Variants in IRF6 observed in about 807,000 individuals in gnomAD.
The protein encoded by IRF6 is interferon regulatory factor 6.
In IRF6, 6 loss-of-function variants were observed where a neutral mutation model predicts 51.4. That is an observed-to-expected ratio of 0.12 (90% CI 0.06 to 0.23). The LOEUF (loss-of-function observed/expected upper bound fraction) is 0.23. Ranked by LOEUF, IRF6 falls within the 10% of genes least tolerant of loss-of-function variation. IRF6 has a pLI of 1.00. For missense variants in IRF6, 348 were observed against 585.2 expected, an observed-to-expected ratio of 0.59 and a Z score of 4.18; for synonymous variants, 178 against 215.7, an observed-to-expected ratio of 0.83 and a Z score of 1.53.
At position 209,788,399 on chromosome 1, in the gene IRF6, GGAA is replaced by G. The variant is rs2077847023; in HGVS notation, c.*18_*20del. On this transcript the variant is annotated 3_prime_UTR_variant, in exon 9 of 9. Coordinates refer to ENST00000367021, the MANE Select transcript of IRF6 (RefSeq NM_006147.4). ...ATGTACAATATTATAAAAAAGAGAAGGAAGAAGATGGCATTCACAATTACTGGG... is the reference window on the plus strand; with the variant it reads ...ATGTACAATATTATAAAAAAGAGAAGGAAGATGGCATTCACAATTACTGGG... 2.1e-6 allele frequency: 3 copies of G among 1,455,366 alleles called. No individual in the cohort carries two copies. Among genetic ancestry groups the G allele is most frequent in the Non-Finnish European group, 2.9e-6 (3 of 1,037,276 alleles). The allele number at this position is 1,455,366 out of a possible 1,614,324, so 90.2% of individuals were successfully genotyped here.
rs1374009568 is a variant in IRF6 at position 209,788,426 on chromosome 1, G to A, written c.1398C>T (p.Pro466=). 1.1e-5 allele frequency: 18 copies of A among 1,600,426 alleles called. No individual in the cohort carries two copies. The highest frequency in any genetic ancestry group is 2.2e-5 in the East Asian group (1 of 44,842). The part of the protein sequence containing the change: ...PSMQLPPALP[P]Q ...AAGAAGATGGCATTCACAATTACTG[G>A]GGAGGCAGGGCAGGGGGCAGTTGCA... Residue 466 remains proline (P), a synonymous_variant, in exon 9 of 9, where the codon CCC becomes CCT. Transcript: ENST00000367021.
chr1:209,801,327 T>C lies in IRF6; in HGVS notation c.87A>G (p.Leu29=). Residue 29 remains leucine (L), a synonymous_variant, in exon 3 of 9, where the codon CTA becomes CTG. Coordinates refer to ENST00000367021, the MANE Select transcript of IRF6 (RefSeq NM_006147.4). ...DSGLYPGLIW[L]HRDSKRFQIP... ...TCTGGAAGCGTTTAGAGTCCCTGTG[T>C]AGCCAGATGAGCCCAGGGTAGAGGC... The C allele has an allele frequency of 6.2e-7, 1 of 1,613,960 alleles. No homozygotes were observed. The highest frequency in any genetic ancestry group is 8.5e-7 in the Non-Finnish European group (1 of 1,179,962).
At chr1:209,795,752 T>C (rs1443861956) in intron 4 of IRF6, among the ~76,000 whole-genome samples, 3 of 152,224 alleles carry the variant, frequency 2.0e-5, no homozygotes, top group Admixed American at 1.3e-4. Context: ...AAGAACTTAT[T>C]ACCCTGATCT....
rs2077835175 is a variant in IRF6, at chr1:209,786,570, C to A, written c.*1850G>T. ...AATATCAAGCCCAAATCCCTCACTT[C>A]ACCTACTCAACAAAATGACCCCCAA... is the stretch of plus-strand genomic sequence containing the variant. On this transcript the variant is annotated 3_prime_UTR_variant, in exon 9 of 9. Coordinates refer to ENST00000367021, the MANE Select transcript of IRF6 (RefSeq NM_006147.4). 1.3e-5 allele frequency: 2 copies of A among 152,188 alleles called. No individual in the cohort carries two copies. The highest frequency in any genetic ancestry group is 2.4e-5 in the African/African-American group (1 of 41,434). 9.4% of individuals were successfully genotyped at this position (152,188 alleles called of 1,614,324 possible).
At chr1:209,803,301 T>C (rs2073487) in intron 1 of IRF6, among the ~76,000 whole-genome samples, 55,256 of 152,048 alleles carry the variant, frequency 0.36, 10,454 homozygotes, top group East Asian at 0.57. Flanking sequence ...AAAGAGCTTT[T>C]GAGAATTTCC....
At chr1:209,804,528 C>T (rs575168381) in intron 1 of IRF6, among the ~76,000 whole-genome samples, 5 of 152,226 alleles carry the variant, frequency 3.3e-5, no homozygotes, top group Non-Finnish European at 7.3e-5. Context: ...ACCCAAATCC[C>T]AACGCCTGAA....
intron 1 of IRF6, among the ~76,000 whole-genome samples, chr1:209,804,157 T>C (rs1354229224): frequency 2.0e-5 from 3 of 152,144 alleles, no homozygotes; most frequent in Admixed American, 2.0e-4. Context: ...AATAAGACAT[T>C]TCTTATGAAG....
chr1:209,805,001 A>G (rs966108753), intron 1 of IRF6, among the ~76,000 whole-genome samples: 2 of 152,088 alleles, frequency 1.3e-5, no homozygotes, highest in African/African-American at 4.8e-5. Flanking sequence ...GCAGGCCTCT[A>G]GTCAAAATGC....
chr1:209,801,209 G>T, intron 3 of IRF6, 31 bp downstream of exon 3: 38 of 1,273,390 alleles, frequency 3.0e-5, no homozygotes, highest in African/African-American at 4.9e-5. Context: ...AAAAAATCCA[G>T]AAAGGTCTGA....
Position 209,795,437 on chromosome 1 carries a change from C to T in IRF6, c.380-19G>A. ...GTGGATCCTACCCAAGATACACAAG[C>T]TCGCAGGTGAGCCATTCAGGTTGCA... On this transcript the variant is annotated intron_variant, in intron 4 of 8. Coordinates refer to ENST00000367021, the MANE Select transcript of IRF6 (RefSeq NM_006147.4). The T allele has an allele frequency of 1.2e-6, 2 of 1,613,512 alleles. No homozygotes were observed. The highest frequency in any genetic ancestry group is 1.3e-5 in the African/African-American group (1 of 75,048).
chr1:209,801,157 T>A, intron 3 of IRF6, 83 bp downstream of exon 3: 17 of 1,219,460 alleles, frequency 1.4e-5, no homozygotes, highest in Admixed American at 1.2e-4. Context: ...TTCACCAGAG[T>A]TTTAGATCTA....
Position 209,794,974 on chromosome 1 carries a change from A to C in IRF6, c.508+316T>G, listed in dbSNP as rs6685182. Among the ~76,000 whole-genome samples, 96,579 of 152,154 alleles carry C rather than the reference A, an allele frequency of 0.63. 31,044 individuals are homozygous for C. Among genetic ancestry groups the C allele is most frequent in the African/African-American group, 0.72 (29,865 of 41,494 alleles). ...AAAAATGACACTGTACTTGGCCTGA[A>C]GGAAATTGGCAAAATGTGTAACTGA... On this transcript the variant is annotated intron_variant, in intron 5 of 8. Transcript: ENST00000367021.
intron 4 of IRF6, among the ~76,000 whole-genome samples, chr1:209,795,635 T>C (rs1415091387): frequency 6.6e-6 from 1 of 152,250 alleles, no homozygotes; most frequent in Non-Finnish European, 1.5e-5. Flanking sequence ...ATCTAAATTA[T>C]CTGGCTGTTA....
At chr1:209,804,427 A>C (rs1175844770) in intron 1 of IRF6, among the ~76,000 whole-genome samples, 2 of 152,162 alleles carry the variant, frequency 1.3e-5, no homozygotes, top group African/African-American at 4.8e-5. Context: ...CCAGCAGCAT[A>C]GAGGGCCAAT....
chr1:209,795,494 G>A (rs1301306095), intron 4 of IRF6, 76 bp from the exon 5 acceptor site: 1 of 1,600,612 alleles, frequency 6.2e-7, no homozygotes, highest in Non-Finnish European at 8.5e-7. Flanking sequence ...CACCATTCAA[G>A]CTAGGGACTG....
intron 8 of IRF6, among the ~76,000 whole-genome samples, chr1:209,789,351 TTGTGTGTGTGTG>T (rs57430923): frequency 1.0e-4 from 15 of 147,042 alleles, no homozygotes; most frequent in Admixed American, 8.7e-4. Flanking sequence ...GCAATTTACA[TTGTGTGTGTGTG>T]TGTGTGTGTG....
chr1:209,792,396 A>G lies in IRF6; in HGVS notation c.540T>C (p.Asn180=), dbSNP rs1346379692. ...GSPMAPASVG[N]CSVGNCSPEA... The stretch of plus-strand genomic sequence containing the variant: ...CCGGGCTGCAGTTGCCCACACTGCA[A>G]TTGCCCACACTGGCTGGCGCCATGG... The change falls in exon 6 of 9, where the codon AAT becomes AAC. Residue 180 remains asparagine, a synonymous_variant. Transcript: ENST00000367021. The G allele has an allele frequency of 1.9e-6, 3 of 1,614,178 alleles. No homozygotes were observed. The highest frequency in any genetic ancestry group is 4.5e-5 in the East Asian group (2 of 44,884).
rs58655709 is a variant in IRF6 at position 209,796,675 on chromosome 1, AC to A, written c.175-124del. 13 of 777,058 alleles carry A rather than the reference AC, an allele frequency of 1.7e-5. No individual in the cohort carries two copies. Among genetic ancestry groups the A allele is most frequent in the African/African-American group, 1.0e-4 (6 of 57,490 alleles). The allele number at this position is 777,058 out of a possible 1,614,324, so 48.1% of individuals were successfully genotyped here. ...CACACACACACACACACACACACAC[AC>A]AACTTTTGCATGACTGCCCCATCAT... is the stretch of plus-strand genomic sequence containing the variant. On this transcript the variant is annotated intron_variant, in intron 3 of 8. Transcript: ENST00000367021. The surrounding 1 kb of genome is among the most constrained non-coding windows in gnomAD (Gnocchi z 4.5).
At chr1:209,802,137 A>AACAC (rs1298689583) in intron 1 of IRF6, 94 bp from the exon 2 acceptor site, 1 of 152,230 alleles carries the variant, frequency 6.6e-6, no homozygotes, top group Non-Finnish European at 1.5e-5. Flanking sequence ...AAAGGCTGAG[A>AACAC]ACACGTCTCC....
Sources: gnomAD v4.1 joint callset for allele counts (sites outside exome capture counted in the v4.1 genomes callset) on GRCh38, gnomAD v4.1.1 for gene constraint, Gnocchi (gnomAD v3.1) non-coding constraint, MANE v1.5 for transcripts, NCBI Gene and HGNC (gene_info 2026-07-23, HGNC 2026-07-21) for gene names.